RANBP2: variants seen among roughly 807,000 people sequenced by gnomAD.
The protein encoded by RANBP2 is RAN binding protein 2, also known as E3 SUMO-protein ligase RanBP2.
Under a neutral mutation model 303.6 loss-of-function variants are expected in RANBP2, and 57 were observed. That is an observed-to-expected ratio of 0.19 (90% confidence interval 0.15 to 0.23). The LOEUF (loss-of-function observed/expected upper bound fraction) is 0.23, where lower values mean the gene tolerates loss of function less well. Among genes scored for constraint, RANBP2 ranks in the 10% least tolerant of loss-of-function variants. RANBP2 has a pLI of 1.00. For missense variants in RANBP2, 3,138 were observed against 3,780.8 expected, an observed-to-expected ratio of 0.83 and a Z score of 4.46; for synonymous variants, 1,167 against 1,301.5, an observed-to-expected ratio of 0.90 and a Z score of 2.23.
the RANBP2 span, chr2:109,129,281 AG>A: frequency 1.6e-6 from 1 of 643,920 alleles, no homozygotes; most frequent in Non-Finnish European, 2.7e-6. Flanking sequence ...GGACAGGTGT[AG>A]CCCGCAGCCG....
At chr2:109,447,926 T>C in the RANBP2 span, among the ~76,000 whole-genome samples, 1 of 152,226 alleles carries the variant, frequency 6.6e-6, no homozygotes, top group African/African-American at 2.4e-5. Context: ...AGCCCGGTGC[T>C]TCGACATGCA....
the RANBP2 span, among the ~76,000 whole-genome samples, chr2:109,683,188 T>C: frequency 1.4e-4 from 21 of 152,270 alleles, no homozygotes; most frequent in East Asian, 2.9e-3. Context: ...GTATTTTTAG[T>C]GGAGACAGGG....
chr2:108,960,362 T>C, the RANBP2 span, among the ~76,000 whole-genome samples: 43 of 152,352 alleles, frequency 2.8e-4, no homozygotes, highest in Admixed American at 5.9e-4. Flanking sequence ...GGGTGGTCTA[T>C]GTTCTCAAGA....
the RANBP2 span, among the ~76,000 whole-genome samples, chr2:109,222,569 G>A: frequency 1.3e-5 from 2 of 152,206 alleles, no homozygotes; most frequent in Non-Finnish European, 1.5e-5. Flanking sequence ...AGGAGAGCAG[G>A]CCCTGGGCTT....
chr2:109,155,227 A>G, the RANBP2 span, among the ~76,000 whole-genome samples: 1 of 152,182 alleles, frequency 6.6e-6, no homozygotes, highest in East Asian at 1.9e-4. Flanking sequence ...GGCACCTTGC[A>G]TCTATGCCTA....
the RANBP2 span, among the ~76,000 whole-genome samples, chr2:108,921,484 C>T: frequency 6.6e-6 from 1 of 152,186 alleles, no homozygotes; most frequent in Non-Finnish European, 1.5e-5. Flanking sequence ...CTCTTGACCA[C>T]AACTGTGGGT....
At chr2:109,168,257 C>G in the RANBP2 span, among the ~76,000 whole-genome samples, 1 of 152,212 alleles carries the variant, frequency 6.6e-6, no homozygotes, top group African/African-American at 2.4e-5. Flanking sequence ...TTTTCACCAC[C>G]TGATGGGGTC....
chr2:109,182,702 A>G, the RANBP2 span, among the ~76,000 whole-genome samples: 4 of 152,344 alleles, frequency 2.6e-5, no homozygotes, highest in African/African-American at 9.6e-5. Context: ...TATTTCCTTG[A>G]TATCAACTAC....
chr2:108,720,042 G>A, intron 1 of RANBP2: 1 of 985,190 alleles, frequency 1.0e-6, no homozygotes, highest in Non-Finnish European at 1.2e-6. Flanking sequence ...TGCTGTATCG[G>A]CGGGTTTCTT....
At chr2:109,015,302 C>T in the RANBP2 span, among the ~76,000 whole-genome samples, 3 of 152,044 alleles carry the variant, frequency 2.0e-5, no homozygotes, top group Non-Finnish European at 2.9e-5. Context: ...GACAGCAAGA[C>T]CAACCCCTCA....
chr2:109,096,045 T>C, the RANBP2 span, among the ~76,000 whole-genome samples: 9 of 152,136 alleles, frequency 5.9e-5, no homozygotes, highest in Non-Finnish European at 1.0e-4. Flanking sequence ...TTTTTTAAAA[T>C]TTTTGAGGTA....
At chr2:109,040,949 G>C in the RANBP2 span, among the ~76,000 whole-genome samples, 1 of 152,098 alleles carries the variant, frequency 6.6e-6, no homozygotes, top group Non-Finnish European at 1.5e-5. Context: ...CCAGCTACTC[G>C]GGAGGCTGAG....
At chr2:109,206,632 G>A in the RANBP2 span, among the ~76,000 whole-genome samples, 1 of 150,886 alleles carries the variant, frequency 6.6e-6, no homozygotes, top group Non-Finnish European at 1.5e-5. Flanking sequence ...ACATAAGTAA[G>A]ACCCTGTCTC....
chr2:109,688,423 T>C, the RANBP2 span, among the ~76,000 whole-genome samples: 9 of 152,266 alleles, frequency 5.9e-5, no homozygotes, highest in Middle Eastern at 3.4e-3. Flanking sequence ...TCCCCTGACA[T>C]GGGCAGCCTC....
At chr2:109,729,468 G>A in the RANBP2 span, among the ~76,000 whole-genome samples, 4 of 152,058 alleles carry the variant, frequency 2.6e-5, no homozygotes, top group Admixed American at 6.6e-5. Context: ...CCAACATGGC[G>A]AAACCCCATC....
At chr2:109,130,098 C>T in the RANBP2 span, 9 of 1,343,712 alleles carry the variant, frequency 6.7e-6, no homozygotes, top group South Asian at 1.9e-5. Flanking sequence ...CCAGCAGGAC[C>T]GCGCCGGCGG....
chr2:109,409,019 C>T, the RANBP2 span, among the ~76,000 whole-genome samples: 732 of 152,298 alleles, frequency 4.8e-3, 4 homozygotes, highest in African/African-American at 0.017. Context: ...CCCGGGTAGG[C>T]GAGAAAGGGG....
the RANBP2 span, among the ~76,000 whole-genome samples, chr2:109,730,462 G>A: frequency 2.0e-5 from 3 of 152,174 alleles, no homozygotes; most frequent in African/African-American, 7.2e-5. Context: ...CAGAGGAAGG[G>A]ATGTGTAAGA....
the RANBP2 span, among the ~76,000 whole-genome samples, chr2:109,525,079 G>GTT: frequency 2.8e-4 from 33 of 119,390 alleles, no homozygotes; most frequent in African/African-American, 3.8e-4. Context: ...CCTTACCGTT[G>GTT]TTTTTTTTTT....
Sources: allele counts gnomAD v4.1 joint callset (sites outside exome capture counted in the v4.1 genomes callset), GRCh38; gene constraint gnomAD v4.1.1; transcripts MANE v1.5; gene names NCBI Gene and HGNC (gene_info 2026-07-23, HGNC 2026-07-21).